The following ACSM5 variants were observed in gnomAD, a reference collection of about 807,000 sequenced individuals.
The protein encoded by ACSM5 is acyl-CoA synthetase medium chain family member 5.
In ACSM5, 56 loss-of-function variants were observed where a neutral mutation model predicts 71.6. The ratio of observed to expected loss-of-function variants is 0.78; its 90% CI spans 0.63 to 0.98. The LOEUF (loss-of-function observed/expected upper bound fraction) is 0.98, where lower values mean the gene tolerates loss of function less well. Ranked by LOEUF, ACSM5 falls within the 50% of genes least tolerant of loss-of-function variation. The pLI is 0.00. For missense variants in ACSM5, 723 were observed against 726.0 expected (o/e 1.00, Z 0.05); for synonymous variants, 285 against 281.5 (o/e 1.01, Z -0.12).
chr16:20,440,381 G>C lies in ACSM5; in HGVS notation c.1694G>C (p.Gly565Ala). 1 of 1,609,738 alleles carries C rather than the reference G, an allele frequency of 6.2e-7. No homozygotes were observed. Among genetic ancestry groups the C allele is most frequent in the Non-Finnish European group, 8.5e-7 (1 of 1,176,258 alleles). The change falls in exon 14 of 14, where the codon GGA (glycine) becomes GCA (alanine). Residue 565 changes from glycine (G) to alanine (A), a missense_variant. Physicochemically the swap from Gly to Ala is moderately conservative, Grantham distance 60. Transcript: ENST00000331849. ...TCAGAACTGCCAAAGACGGTTTCTG[G>C]AAAGATCCAAAGGAGTAAATTGCGA... is the stretch of plus-strand genomic sequence containing the variant. ...FVSELPKTVS[G>A]KIQRSKLRSQ...
intron 4 of ACSM5, among the ~76,000 whole-genome samples, chr16:20,420,575 G>T (rs1966874080): frequency 6.6e-6 from 1 of 152,176 alleles, no homozygotes; most frequent in South Asian, 2.1e-4. Context: ...ACTCCAGCCT[G>T]GGCAACAAAA....
chr16:20,429,920 A>G, intron 8 of ACSM5, 119 bp downstream of exon 8: 1 of 1,262,198 alleles, frequency 7.9e-7, no homozygotes, highest in Non-Finnish European at 1.1e-6. Context: ...GGAGAAGCTG[A>G]TAACAAAATT....
intron 2 of ACSM5, among the ~76,000 whole-genome samples, chr16:20,414,513 T>C (rs1966853031): frequency 6.6e-6 from 1 of 152,252 alleles, no homozygotes; most frequent in African/African-American, 2.4e-5. Flanking sequence ...GACACCTTGA[T>C]GTTAGTCCAC....
chr16:20,413,503 C>T (rs1375337754), intron 2 of ACSM5, among the ~76,000 whole-genome samples: 1 of 152,070 alleles, frequency 6.6e-6, no homozygotes, highest in East Asian at 1.9e-4. Flanking sequence ...GGGTTTTTGT[C>T]CAAAACAATC....
intron 12 of ACSM5, among the ~76,000 whole-genome samples, chr16:20,439,191 T>C (rs974299792): frequency 7.0e-6 from 1 of 142,940 alleles, no homozygotes; most frequent in African/African-American, 2.7e-5. Context: ...ACAGAAACTA[T>C]GTTTGTTGTG....
intron 5 of ACSM5, among the ~76,000 whole-genome samples, chr16:20,422,536 ACTT>A: frequency 6.6e-6 from 1 of 152,320 alleles, no homozygotes; most frequent in Non-Finnish European, 1.5e-5. Context: ...CTCTGCTTTT[ACTT>A]CTTTTGGATA....
intron 2 of ACSM5, among the ~76,000 whole-genome samples, chr16:20,412,589 T>A (rs185566303): frequency 0.044 from 6,733 of 152,290 alleles, 156 homozygotes; most frequent in South Asian, 0.058. Context: ...TTTTCATTTA[T>A]AAGAGGAAGA....
chr16:20,435,839 T>C (rs1469136347), intron 10 of ACSM5, among the ~76,000 whole-genome samples: 1 of 152,052 alleles, frequency 6.6e-6, no homozygotes, highest in African/African-American at 2.4e-5. Flanking sequence ...AGAATCAGAG[T>C]TTCATTGTTT....
At position 20,430,983 on chromosome 16, in the gene ACSM5, T is replaced by A. The variant is rs778421252; in HGVS notation, c.1126-10T>A. 1 of 1,608,686 alleles carries A rather than the reference T, an allele frequency of 6.2e-7. No individual in the cohort carries two copies. Among genetic ancestry groups the A allele is most frequent in the South Asian group, 1.1e-5 (1 of 90,128 alleles). On this transcript the variant is annotated splice_polypyrimidine_tract_variant and intron_variant, in intron 8 of 13. Coordinates refer to ENST00000331849, the MANE Select transcript of ACSM5 (RefSeq NM_017888.3). ...AAGGCTCTTCTTTATCTGTACTGCG[T>A]TCTCCCCAGGTTGTCATCTGTGCCA... is the stretch of plus-strand genomic sequence containing the variant.
chr16:20,428,372 A>G (rs551756190), intron 7 of ACSM5, among the ~76,000 whole-genome samples: 34 of 152,314 alleles, frequency 2.2e-4, no homozygotes, highest in Non-Finnish European at 4.6e-4. Flanking sequence ...ACCCCAGCCA[A>G]CTGTTCTCTG....
chr16:20,410,938 G>A (rs1439289847), intron 1 of ACSM5, among the ~76,000 whole-genome samples: 4 of 152,060 alleles, frequency 2.6e-5, no homozygotes, highest in African/African-American at 9.7e-5. Context: ...ATAAAAGTAT[G>A]TAAAATATCT....
rs1389703905 is a variant in ACSM5 at position 20,431,234 on chromosome 16, G to A, written c.1221G>A (p.Glu407=). 2.5e-6 allele frequency: 4 copies of A among 1,614,008 alleles called. No individual in the cohort carries two copies. Among genetic ancestry groups the A allele is most frequent in the Non-Finnish European group, 3.4e-6 (4 of 1,179,936 alleles). ...TTCCTTACCAGATTGTGGATGATGA[G>A]GGCAACGTCCTGCCTCCTGGAGAAG... ...PPYDVQIVDD[E]GNVLPPGEEG... The change falls in exon 10 of 14, where the codon GAG becomes GAA. Residue 407 remains glutamate (E), a synonymous_variant. Coordinates refer to ENST00000331849, the MANE Select transcript of ACSM5 (RefSeq NM_017888.3).
rs1474910037 is a variant in ACSM5 at position 20,418,288 on chromosome 16, G to A, written c.415+19G>A. The A allele has an allele frequency of 1.9e-6, 3 of 1,595,778 alleles. No individual in the cohort carries two copies. Among genetic ancestry groups the A allele is most frequent in the Middle Eastern group, 4.6e-4 (2 of 4,378 alleles). On this transcript the variant is annotated intron_variant, in intron 3 of 13. Transcript: ENST00000331849. ...CGGACAGGTCAGTAAGCAGGGCTGG[G>A]AATTTTAGTTGGGGGCAGACACAAC...
At chr16:20,426,915 A>G (rs1303607542) in intron 6 of ACSM5, among the ~76,000 whole-genome samples, 2 of 152,062 alleles carry the variant, frequency 1.3e-5, no homozygotes, top group Admixed American at 6.6e-5. Flanking sequence ...GGCAAATCCT[A>G]TGTTGTGTGT....
At chr16:20,420,398 T>A (rs1202820779) in intron 4 of ACSM5, among the ~76,000 whole-genome samples, 1 of 152,128 alleles carries the variant, frequency 6.6e-6, no homozygotes, top group Admixed American at 6.5e-5. Flanking sequence ...GTCGGGAGTT[T>A]GAGACCAGCC....
At chr16:20,414,313 C>A (rs1383822486) in intron 2 of ACSM5, among the ~76,000 whole-genome samples, 1 of 151,966 alleles carries the variant, frequency 6.6e-6, no homozygotes, top group South Asian at 2.1e-4. Flanking sequence ...TCTGGATGAG[C>A]CTAATATAAT....
At chr16:20,411,797 G>C in intron 2 of ACSM5, 109 bp downstream of exon 2, 2 of 1,193,754 alleles carry the variant, frequency 1.7e-6, no homozygotes, top group Non-Finnish European at 2.4e-6. Context: ...TTGGACCTGG[G>C]AATTTTGCTA....
At chr16:20,435,978 T>TTTTC (rs1472670450) in intron 10 of ACSM5, among the ~76,000 whole-genome samples, 2 of 150,090 alleles carry the variant, frequency 1.3e-5, no homozygotes, top group African/African-American at 4.9e-5. Flanking sequence ...TTCCTTCCTT[T>TTTTC]TTTCTTTCTT....
At chr16:20,430,723 A>T (rs1233676642) in intron 8 of ACSM5, among the ~76,000 whole-genome samples, 1 of 151,780 alleles carries the variant, frequency 6.6e-6, no homozygotes, top group Non-Finnish European at 1.5e-5. Context: ...AGGAGGAAAG[A>T]AAATGAAGGA....
Sources: gnomAD v4.1 joint callset for allele counts (sites outside exome capture counted in the v4.1 genomes callset) on GRCh38, gnomAD v4.1.1 for gene constraint, MANE v1.5 for transcripts, NCBI Gene and HGNC (gene_info 2026-07-23, HGNC 2026-07-21) for gene names.